WNT8B: variants seen among roughly 807,000 people sequenced by gnomAD.
The protein encoded by WNT8B is Wnt family member 8B.
Under a neutral mutation model 36.6 loss-of-function variants are expected in WNT8B, and 24 were observed. The observed-to-expected ratio is 0.66, with a 90% CI of 0.48 to 0.92. The LOEUF is 0.92. Among genes scored for constraint, WNT8B ranks in the 40% least tolerant of loss-of-function variants. The pLI is 0.00. For missense variants in WNT8B, 402 were observed against 470.8 expected (o/e 0.85, Z 1.35); for synonymous variants, 199 against 189.8 (o/e 1.05, Z -0.40).
Position 100,482,467 on chromosome 10 carries a change from A to G in WNT8B, c.707A>G (p.Asp236Gly), listed in dbSNP as rs1851129442. 1.2e-6 allele frequency: 2 copies of G among 1,603,820 alleles called. No individual in the cohort carries two copies. The highest frequency in any genetic ancestry group is 1.7e-6 in the Non-Finnish European group (2 of 1,179,826). ...NSAAGRGAIA[D>G]TFRSISTREL... ...GCGGCCGGCCGCGGCGCCATCGCCG[A>G]CACCTTTCGCTCCATCTCTACCCGG... Residue 236 changes from aspartate (D) to glycine (G), a missense_variant, in exon 6 of 6, where the codon GAC becomes GGC. This residue lies in a region of WNT8B where 256 missense variants were observed against 278.6 expected (regional missense o/e 0.92). Transcript: ENST00000343737. The surrounding 1 kb of genome is among the most constrained non-coding windows in gnomAD (Gnocchi z 6.6).
Position 100,482,781 on chromosome 10 carries a change from G to T in WNT8B, c.1021G>T (p.Gly341Trp). Residue 341 changes from glycine (G) to tryptophan (W), a missense_variant, in exon 6 of 6, where the codon GGG (glycine) becomes TGG (tryptophan). By Grantham distance (184) the Gly-to-Trp change is radical. Transcript: ENST00000343737. The surrounding 1 kb of genome is among the most constrained non-coding windows in gnomAD (Gnocchi z 6.6). ...YFCSRAERPR[G>W]GAAHKPGRKP ...CTGTAGCCGCGCAGAGCGGCCGCGGGGGGGCGCTGCGCACAAACCCGGGAG... is the reference window on the plus strand; with the variant it reads ...CTGTAGCCGCGCAGAGCGGCCGCGGTGGGGCGCTGCGCACAAACCCGGGAG... 2.5e-6 allele frequency: 4 copies of T among 1,587,656 alleles called. No homozygotes were observed. The highest frequency in any genetic ancestry group is 3.4e-6 in the Non-Finnish European group (4 of 1,165,504).
At chr10:100,468,930 A>G (rs985869104) in intron 1 of WNT8B, among the ~76,000 whole-genome samples, 2 of 152,250 alleles carry the variant, frequency 1.3e-5, no homozygotes, top group African/African-American at 4.8e-5. Context: ...TAAGATTGTC[A>G]CATCTGTTTA....
chr10:100,482,018 A>C lies in WNT8B; in HGVS notation c.474A>C (p.Ala158=). The C allele has an allele frequency of 6.2e-7, 1 of 1,614,224 alleles. No individual in the cohort carries two copies. The highest frequency in any genetic ancestry group is 1.3e-5 in the African/African-American group (1 of 75,060). ...DALETGQDAR[A]AMNLHNNEAG... ...TGGAAACAGGACAGGATGCACGGGC[A>C]GCCATGAACCTGCACAACAACGAGG... Residue 158 remains alanine (A), a synonymous_variant, in exon 5 of 6, where the codon GCA becomes GCC. Transcript: ENST00000343737. The surrounding 1 kb of genome is among the most constrained non-coding windows in gnomAD (Gnocchi z 6.6).
chr10:100,480,833 C>G (rs1440953095), intron 3 of WNT8B, among the ~76,000 whole-genome samples, 165 bp from the exon 4 acceptor site: 1 of 152,026 alleles, frequency 6.6e-6, no homozygotes, highest in East Asian at 1.9e-4. Flanking sequence ...GTGAGACCGA[C>G]TCTCTGCAAA....
chr10:100,466,361 G>T (rs184202783), intron 1 of WNT8B, among the ~76,000 whole-genome samples: 32 of 152,202 alleles, frequency 2.1e-4, no homozygotes, highest in Admixed American at 3.3e-4. Flanking sequence ...AAGGCCTGAG[G>T]GCTCTGAGAC....
chr10:100,481,822 C>T (rs770313704), intron 4 of WNT8B, 90 bp from the exon 5 acceptor site: 240 of 1,534,550 alleles, frequency 1.6e-4, no homozygotes, highest in Non-Finnish European at 2.0e-4. Flanking sequence ...TATCCTGGAC[C>T]CCCCCACCCC....
chr10:100,482,297 G>A lies in WNT8B; in HGVS notation c.537G>A (p.Thr179=), dbSNP rs752522945. The change falls in exon 6 of 6, where the codon ACG becomes ACA. Residue 179 remains threonine (T), a synonymous_variant. Transcript: ENST00000343737. The surrounding 1 kb of genome is among the most constrained non-coding windows in gnomAD (Gnocchi z 6.6). ...CGGTGAAGGGCACCATGAAACGCACGTGCAAGTGCCACGGCGTGTCTGGCA... is the reference window on the plus strand; with the variant it reads ...CGGTGAAGGGCACCATGAAACGCACATGCAAGTGCCACGGCGTGTCTGGCA... ...RKAVKGTMKR[T]CKCHGVSGSC... 24 of 1,592,946 alleles carry A rather than the reference G, an allele frequency of 1.5e-5. No individual in the cohort carries two copies. The Admixed American group carries it at 3.5e-4, about 23-fold the overall frequency.
In WNT8B at chr10:100,480,870, A is replaced by G. The variant is rs919781030; in HGVS notation, c.242-128A>G. 13 of 1,104,762 alleles carry G rather than the reference A, an allele frequency of 1.2e-5. No individual in the cohort carries two copies. The African/African-American group carries it at 2.1e-4, about 18-fold the overall frequency. The allele number at this position is 1,104,762 out of a possible 1,614,324, so 68.4% of individuals were successfully genotyped here. ...AAATAAAAGTTAAAAAATAATAATAAAGATGGGGAAATAGGATGGAGCTAG... is the reference window on the plus strand; with the variant it reads ...AAATAAAAGTTAAAAAATAATAATAGAGATGGGGAAATAGGATGGAGCTAG... On this transcript the variant is annotated intron_variant, in intron 3 of 5. Transcript: ENST00000343737.
intron 4 of WNT8B, 53 bp from the exon 5 acceptor site, chr10:100,481,859 G>C (rs1589726389): frequency 1.2e-6 from 2 of 1,608,890 alleles, no homozygotes; most frequent in Non-Finnish European, 1.7e-6. Context: ...AGCAGCCCAG[G>C]AGGCTCTGCG....
At chr10:100,481,261 C>A (rs1332191515) in intron 4 of WNT8B, 138 bp downstream of exon 4, 2 of 1,243,370 alleles carry the variant, frequency 1.6e-6, no homozygotes, top group East Asian at 5.3e-5. Flanking sequence ...CGAGTTTGAT[C>A]CCAAGCCCTA....
chr10:100,478,585 T>G (rs948035310), intron 1 of WNT8B, among the ~76,000 whole-genome samples: 1 of 151,958 alleles, frequency 6.6e-6, no homozygotes, highest in African/African-American at 2.4e-5. Context: ...GTGTGTGTTT[T>G]TTTTTTTTTG....
chr10:100,463,140 ATT>A lies in WNT8B; in HGVS notation c.-26_-25del. On this transcript the variant is annotated 5_prime_UTR_variant, in exon 1 of 6. Coordinates refer to ENST00000343737, the MANE Select transcript of WNT8B (RefSeq NM_003393.4). ...CTTACCCATCTCCCAGTTTTTTGGA[ATT>A]TTCTCTAGCTGTTACTCCAGAGGAT... 1.2e-6 allele frequency: 2 copies of A among 1,609,190 alleles called. No individual in the cohort carries two copies. Among genetic ancestry groups the A allele is most frequent in the Non-Finnish European group, 1.7e-6 (2 of 1,177,374 alleles).
rs768389270 is a variant in WNT8B, at chr10:100,482,717, C to G, written c.957C>G (p.Val319=). The G allele has an allele frequency of 3.8e-5, 61 of 1,608,106 alleles. No individual in the cohort carries two copies. The highest frequency in any genetic ancestry group is 5.2e-5 in the Non-Finnish European group (61 of 1,177,592). ...CNCKFHWCCA[V]RCEQCRRRVT... ...GCAAGTTCCACTGGTGCTGCGCAGT[C>G]CGCTGCGAGCAGTGCCGCCGGAGGG... Residue 319 remains valine, a synonymous_variant, in exon 6 of 6, where the codon GTC becomes GTG. Transcript: ENST00000343737. This position sits in a 1 kb window ranked among gnomAD's most constrained non-coding sequence, Gnocchi z 6.6.
chr10:100,482,737 G>A lies in WNT8B; in HGVS notation c.977G>A (p.Arg326Gln), dbSNP rs562804694. 4 of 1,606,060 alleles carry A rather than the reference G, an allele frequency of 2.5e-6. No individual in the cohort carries two copies. Among genetic ancestry groups the A allele is most frequent in the Non-Finnish European group, 3.4e-6 (4 of 1,176,588 alleles). ...GCAGTCCGCTGCGAGCAGTGCCGCC[G>A]GAGGGTCACCAAGTACTTCTGTAGC... ...CCAVRCEQCRRRVTKYFCSRA... is the reference protein window; with the variant it reads ...CCAVRCEQCRQRVTKYFCSRA... The change falls in exon 6 of 6, where the codon CGG becomes CAG. Residue 326 changes from arginine (R) to glutamine (Q), a missense_variant. Arg to Gln is a conservative substitution (Grantham distance 43). Transcript: ENST00000343737. This position sits in a 1 kb window ranked among gnomAD's most constrained non-coding sequence, Gnocchi z 6.6.
rs11190581 is a variant in WNT8B, at chr10:100,483,630, T to G, written c.*814T>G. The G allele has an allele frequency of 0.22, 32,816 of 152,158 alleles. 3,637 individuals are homozygous for G. Among genetic ancestry groups the G allele is most frequent in the South Asian group, 0.23 (1,112 of 4,816 alleles). The allele number at this position is 152,158 out of a possible 1,614,324, so 9.4% of individuals were successfully genotyped here. A position where few individuals can be genotyped will look rare whatever the true frequency, so the allele number is the denominator to read the frequency against. ...TAACTTCTCCCTTCTCCTGACCTACTTCCTCCTAGCAACCAACTTTACCTC... is the reference window on the plus strand; with the variant it reads ...TAACTTCTCCCTTCTCCTGACCTACGTCCTCCTAGCAACCAACTTTACCTC... On this transcript the variant is annotated 3_prime_UTR_variant, in exon 6 of 6. Transcript: ENST00000343737.
At chr10:100,465,774 C>T (rs1297567601) in intron 1 of WNT8B, among the ~76,000 whole-genome samples, 1 of 152,140 alleles carries the variant, frequency 6.6e-6, no homozygotes. Context: ...TGAAAAACAT[C>T]ATCTTTTGGT....
chr10:100,477,585 C>T (rs1242677882), intron 1 of WNT8B, among the ~76,000 whole-genome samples: 1 of 152,144 alleles, frequency 6.6e-6, no homozygotes, highest in Admixed American at 6.5e-5. Context: ...AGGCGTGAGC[C>T]ACCGCACCCG....
rs1049700453 is a variant in WNT8B at position 100,483,179 on chromosome 10, C to G, written c.*363C>G. 2.3e-5 allele frequency: 5 copies of G among 216,672 alleles called. No homozygotes were observed. The highest frequency in any genetic ancestry group is 3.6e-5 in the Non-Finnish European group (4 of 111,074). The allele number at this position is 216,672 out of a possible 1,614,324, so 13.4% of individuals were successfully genotyped here. Reference sequence around the variant, plus strand: ...AAGAACCCTTCTCAGACACGCAGGACCCAGGTAAAGTCAAAGCTTTGCCCT... The same window carrying G: ...AAGAACCCTTCTCAGACACGCAGGAGCCAGGTAAAGTCAAAGCTTTGCCCT... On this transcript the variant is annotated 3_prime_UTR_variant, in exon 6 of 6. Transcript: ENST00000343737.
intron 1 of WNT8B, among the ~76,000 whole-genome samples, chr10:100,473,909 G>A (rs781573060): frequency 6.6e-6 from 1 of 151,400 alleles, no homozygotes; most frequent in Non-Finnish European, 1.5e-5. Flanking sequence ...CTGTGCAACA[G>A]AGCAAGATTC....
Sources: allele counts gnomAD v4.1 joint callset (sites outside exome capture counted in the v4.1 genomes callset), GRCh38; gene constraint gnomAD v4.1.1; regional missense constraint gnomAD v4.1.1; non-coding constraint Gnocchi (gnomAD v3.1); transcripts MANE v1.5; gene names NCBI Gene and HGNC (gene_info 2026-07-23, HGNC 2026-07-21).